FGL1: variants seen among roughly 807,000 people sequenced by gnomAD.
FGL1 encodes the protein fibrinogen-like protein 1.
FGL1 carries 59 observed loss-of-function variants against 43.7 expected under a neutral mutation model. The ratio of observed to expected loss-of-function variants is 1.35; its 90% CI spans 1.10 to 1.68. The LOEUF is 1.68. Ranked by LOEUF, FGL1 falls within the 40% of genes most tolerant of loss-of-function variation. The pLI, the probability that FGL1 is intolerant of heterozygous loss-of-function variation, is 0.00. For synonymous variants in FGL1, 192 were observed against 126.5 expected, an observed-to-expected ratio of 1.52 and a Z score of -3.48; for missense variants, 596 against 373.0, an observed-to-expected ratio of 1.60 and a Z score of -4.92.
intron 2 of FGL1, chr8:17,882,629 T>C (rs2053553915): frequency 7.2e-6 from 1 of 138,882 alleles, no homozygotes; most frequent in African/African-American, 3.0e-5. Context: ...TGTTGGCATG[T>C]AAATCTCCAT....
chr8:17,866,203 C>T (rs575316673), intron 7 of FGL1, among the ~76,000 whole-genome samples: 35 of 152,274 alleles, frequency 2.3e-4, no homozygotes, highest in Admixed American at 7.2e-4. Context: ...TTTCTAGCAT[C>T]GTTTAGTTTT....
intron 5 of FGL1, among the ~76,000 whole-genome samples, chr8:17,870,401 A>G (rs1240079127): frequency 6.6e-6 from 1 of 152,196 alleles, no homozygotes; most frequent in Non-Finnish European, 1.5e-5. Flanking sequence ...TCAAATTATT[A>G]GATCACATGT....
intron 3 of FGL1, among the ~76,000 whole-genome samples, chr8:17,878,004 C>A (rs1343913429): frequency 6.6e-6 from 1 of 151,938 alleles, no homozygotes; most frequent in African/African-American, 2.4e-5. Flanking sequence ...ACTCTGTTAC[C>A]CAGGCAGGTT....
At chr8:17,875,535 C>CTTTCTCTCTCTT (rs1554564386) in intron 3 of FGL1, among the ~76,000 whole-genome samples, 1 of 25,456 alleles carries the variant, frequency 3.9e-5, no homozygotes, top group Non-Finnish European at 9.3e-5. Context: ...TTCTTTCTTT[C>CTTTCTCTCTCTT]TCTTTCTTTC....
rs187592447 is a variant in FGL1, at chr8:17,889,288, G to A, written c.-17-3717C>T. Among the ~76,000 whole-genome samples the A allele has an allele frequency of 4.1e-3, 621 of 152,282 alleles. 3 individuals are homozygous for A. The highest frequency in any genetic ancestry group is 0.014 in the African/African-American group (589 of 41,558). ...ACTTTGGCTGGGCGTGGTGGCTTACGCCTGTAATCTCAGCACTTTGGGAGG... is the reference window on the plus strand; with the variant it reads ...ACTTTGGCTGGGCGTGGTGGCTTACACCTGTAATCTCAGCACTTTGGGAGG... On this transcript the variant is annotated intron_variant, in intron 1 of 7. Transcript: ENST00000427924.
At chr8:17,866,608 G>C (rs2517286) in intron 7 of FGL1, among the ~76,000 whole-genome samples, 34,436 of 152,052 alleles carry the variant, frequency 0.23, 5,542 homozygotes, top group African/African-American at 0.45. Flanking sequence ...TCTGTGGCAG[G>C]CTCCACCTAA....
At chr8:17,885,668 C>A in intron 1 of FGL1, 97 bp from the exon 2 acceptor site, 1 of 920,274 alleles carries the variant, frequency 1.1e-6, no homozygotes, top group South Asian at 1.5e-5. Context: ...CGGATGCAGC[C>A]GCAGGCCATC....
At chr8:17,864,799 A>C (rs1254231957) in intron 7 of FGL1, 48 bp from the exon 8 acceptor site, 1 of 1,379,396 alleles carries the variant, frequency 7.2e-7, no homozygotes, top group Non-Finnish European at 9.5e-7. Flanking sequence ...GACTGGAAAA[A>C]TATTGTTCAG....
rs1192917554 is a variant in FGL1 at position 17,874,513 on chromosome 8, C to G, written c.253G>C (p.Glu85Gln). 6.2e-7 allele frequency: 1 copy of G among 1,603,700 alleles called. No individual in the cohort carries two copies. Among genetic ancestry groups the G allele is most frequent in the Non-Finnish European group, 8.5e-7 (1 of 1,174,990 alleles). Residue 85 changes from glutamate to glutamine, a missense_variant, in exon 4 of 8, where the codon GAG (glutamate) becomes CAG (glutamine). Physicochemically the swap from Glu to Gln is conservative, Grantham distance 29. Transcript: ENST00000427924. ...AGCTTATACCCATCATTGAAAATCT[C>G]TGAACAATCTGTTTTTAAAACAAGG... ...GSKRQYADCS[E>Q]IFNDGYKLSG...
intron 1 of FGL1, among the ~76,000 whole-genome samples, chr8:17,887,647 C>A (rs551721032): frequency 6.6e-6 from 1 of 152,140 alleles, no homozygotes; most frequent in African/African-American, 2.4e-5. Context: ...CCAGCATGGC[C>A]AACATAGTGA....
chr8:17,893,515 G>A (rs932450984), intron 1 of FGL1, among the ~76,000 whole-genome samples: 4 of 150,302 alleles, frequency 2.7e-5, no homozygotes, highest in Admixed American at 6.6e-5. Context: ...TTTTTGACAG[G>A]CCTCTGTCTC....
chr8:17,870,838 A>G (rs1235397816), intron 5 of FGL1, among the ~76,000 whole-genome samples: 10 of 151,772 alleles, frequency 6.6e-5, no homozygotes, highest in Non-Finnish European at 1.5e-4. Context: ...TCCGGGAGGC[A>G]GAGGTTGCAG....
intron 5 of FGL1, among the ~76,000 whole-genome samples, chr8:17,873,752 G>GTA (rs1228091453): frequency 2.0e-5 from 3 of 149,566 alleles, no homozygotes; most frequent in Non-Finnish European, 4.4e-5. Context: ...TGTATAGAAT[G>GTA]TATATATATC....
Position 17,874,126 on chromosome 8 carries a change from G to C in FGL1, c.405-10C>G, listed in dbSNP as rs374582234. On this transcript the variant is annotated splice_polypyrimidine_tract_variant and intron_variant, in intron 4 of 7. Transcript: ENST00000427924. ...ATAGTCTTTCCATCCTCTAAAAAAG[G>C]TAAAGTGGAAGCCGATTAGAGCAAA... is the stretch of plus-strand genomic sequence containing the variant. 5.6e-6 allele frequency: 9 copies of C among 1,606,312 alleles called. No individual in the cohort carries two copies. In the African/African-American group the frequency reaches 1.2e-4, roughly 22 times the overall value.
intron 7 of FGL1, 32 bp from the exon 8 acceptor site, chr8:17,864,783 C>G (rs780264503): frequency 2.1e-6 from 3 of 1,421,274 alleles, no homozygotes; most frequent in Non-Finnish European, 2.8e-6. Flanking sequence ...AAGAAAACAA[C>G]AATCAGACTG....
chr8:17,873,441 C>A (rs1248073173), intron 5 of FGL1, among the ~76,000 whole-genome samples: 1 of 152,066 alleles, frequency 6.6e-6, no homozygotes, highest in Non-Finnish European at 1.5e-5. Flanking sequence ...CAGCCATGAT[C>A]AGCAGAGCCC....
intron 4 of FGL1, 44 bp from the exon 5 acceptor site, chr8:17,874,160 G>T: frequency 6.5e-7 from 1 of 1,533,452 alleles, no homozygotes; most frequent in Non-Finnish European, 9.0e-7. Context: ...AACTCCATTT[G>T]TGGTACCAAA....
Position 17,868,361 on chromosome 8 carries a change from C to G in FGL1, c.779+187G>C, listed in dbSNP as rs190811747. The stretch of plus-strand genomic sequence containing the variant: ...TTATTTCTATGACATTTACACTTTA[C>G]TAATGTACACAATGAACAAATCCTC... On this transcript the variant is annotated intron_variant, in intron 7 of 7. Coordinates refer to ENST00000427924, the MANE Select transcript of FGL1 (RefSeq NM_004467.4). 5 of 412,238 alleles carry G rather than the reference C, an allele frequency of 1.2e-5. No homozygotes were observed. In the Admixed American group the frequency reaches 2.2e-4, roughly 18 times the overall value. The allele number at this position is 412,238 out of a possible 1,614,324, so 25.5% of individuals were successfully genotyped here. A position where few individuals can be genotyped will look rare whatever the true frequency, so the allele number is the denominator to read the frequency against.
At chr8:17,886,450 G>A (rs1268080370) in intron 1 of FGL1, among the ~76,000 whole-genome samples, 1 of 108,290 alleles carries the variant, frequency 9.2e-6, no homozygotes, top group Non-Finnish European at 2.1e-5. Flanking sequence ...TCAGCAAGTT[G>A]GTAGATGATA....
Sources: allele counts gnomAD v4.1 joint callset (sites outside exome capture counted in the v4.1 genomes callset), GRCh38; gene constraint gnomAD v4.1.1; transcripts MANE v1.5; gene names NCBI Gene and HGNC (gene_info 2026-07-23, HGNC 2026-07-21).